Variants in CEP131 observed in about 807,000 individuals in gnomAD.
The protein encoded by CEP131 is centrosomal protein of 131 kDa.
CEP131 carries 99 observed loss-of-function variants against 136.8 expected under a neutral mutation model. The ratio of observed to expected loss-of-function variants is 0.72; its 90% CI spans 0.62 to 0.86. The LOEUF is 0.86. CEP131 is among the 40% of genes least tolerant of loss of function. The pLI is 0.00. For synonymous variants in CEP131, 646 were observed against 612.7 expected (o/e 1.05, Z -0.80); for missense variants, 1,459 against 1,463.0 (o/e 1.00, Z 0.04).
At chr17:81,191,373 A>C in intron 21 of CEP131, 38 bp from the exon 22 acceptor site, 1 of 1,610,268 alleles carries the variant, frequency 6.2e-7, no homozygotes, top group Non-Finnish European at 8.5e-7. Context: ...TGCCACCCGG[A>C]GCCGGCCCGC....
chr17:81,190,595 C>T (rs757800182), intron 24 of CEP131, 44 bp downstream of exon 24: 7 of 1,502,266 alleles, frequency 4.7e-6, no homozygotes, highest in Middle Eastern at 2.4e-4. Flanking sequence ...TGCCCGCTCC[C>T]CTGCCCCGCC....
chr17:81,199,875 A>C (rs1197430533), intron 8 of CEP131, 40 bp from the exon 9 acceptor site: 12 of 1,597,766 alleles, frequency 7.5e-6, no homozygotes, highest in Non-Finnish European at 8.5e-6. Context: ...TTACATCTGG[A>C]AGACGGAATC....
intron 2 of CEP131, among the ~76,000 whole-genome samples, chr17:81,216,432 G>A (rs1001005331): frequency 3.3e-5 from 5 of 152,218 alleles, no homozygotes; most frequent in African/African-American, 1.2e-4. Context: ...TCAGGATGCT[G>A]AGGTAAGAGG....
intron 12 of CEP131, 112 bp from the exon 13 acceptor site, chr17:81,198,000 A>G (rs1424941965): frequency 6.0e-6 from 9 of 1,501,660 alleles, no homozygotes; most frequent in Non-Finnish European, 7.1e-6. Context: ...GGTTGTGACT[A>G]AAGCCAGGAG....
intron 19 of CEP131, 51 bp downstream of exon 19, chr17:81,192,685 G>GGGGGGGGGGGGGCCCCCCC: frequency 1.7e-5 from 8 of 478,404 alleles, no homozygotes; most frequent in Non-Finnish European, 2.8e-5. Context: ...GGGGGGAGGG[G>GGGGGGGGGGGGGCCCCCCC]TCAGCCAGCG....
intron 21 of CEP131, among the ~76,000 whole-genome samples, chr17:81,191,888 G>A (rs916859197): frequency 2.0e-5 from 3 of 152,152 alleles, no homozygotes; most frequent in Admixed American, 1.3e-4. Flanking sequence ...GTAGCCTCGC[G>A]GCGGGCATGG....
At chr17:81,209,547 GCAGCAGA>G (rs2062087611) in intron 2 of CEP131, among the ~76,000 whole-genome samples, 1 of 151,970 alleles carries the variant, frequency 6.6e-6, no homozygotes, top group Non-Finnish European at 1.5e-5. Context: ...GGGAGGCTGC[GCAGCAGA>G]CACTAAGCAA....
intron 2 of CEP131, among the ~76,000 whole-genome samples, chr17:81,213,238 G>A (rs2062172893): frequency 6.6e-6 from 1 of 152,160 alleles, no homozygotes; most frequent in Non-Finnish European, 1.5e-5. Flanking sequence ...AAATATCCAC[G>A]AGTCCATTAT....
chr17:81,195,811 G>T, intron 16 of CEP131, 24 bp downstream of exon 16: 1 of 1,590,108 alleles, frequency 6.3e-7, no homozygotes, highest in Non-Finnish European at 8.5e-7. Flanking sequence ...TTGGGACGCC[G>T]TGCAGTAGGG....
intron 2 of CEP131, among the ~76,000 whole-genome samples, chr17:81,209,442 G>A (rs2062085542): frequency 6.6e-6 from 1 of 152,252 alleles, no homozygotes; most frequent in Non-Finnish European, 1.5e-5. Context: ...TCACGATGAG[G>A]ACTAAGGAGA....
chr17:81,192,972 T>A (rs1298986935), intron 18 of CEP131, 129 bp from the exon 19 acceptor site: 2 of 1,387,812 alleles, frequency 1.4e-6, no homozygotes, highest in South Asian at 2.9e-5. Context: ...GCCCTGCCCC[T>A]CCCCCTCGGC....
chr17:81,192,464 C>A lies in CEP131; in HGVS notation c.2547+12G>T, dbSNP rs755694166. The A allele has an allele frequency of 1.2e-6, 2 of 1,612,034 alleles. No individual in the cohort carries two copies. The highest frequency in any genetic ancestry group is 1.7e-6 in the Non-Finnish European group (2 of 1,179,820). ...CCCTGGCCAGGCCCAGCACAGCCCT[C>A]CGGTGGTAGACCTGGTGCCGGCGCT... On this transcript the variant is annotated intron_variant, in intron 20 of 25. Transcript: ENST00000450824.
intron 18 of CEP131, among the ~76,000 whole-genome samples, chr17:81,193,608 G>A (rs2061689265): frequency 1.3e-5 from 2 of 152,228 alleles, no homozygotes; most frequent in Non-Finnish European, 2.9e-5. Context: ...CTATCCACGG[G>A]TTGCTGCTCT....
chr17:81,220,106 C>T, intron 1 of CEP131, 33 bp from the exon 2 acceptor site: 5 of 1,462,372 alleles, frequency 3.4e-6, no homozygotes, highest in Non-Finnish European at 4.5e-6. Context: ...CAATGAGATG[C>T]CGTGGGGGAA....
chr17:81,215,506 G>T lies in CEP131; in HGVS notation c.177+4374C>A, dbSNP rs2062227055. 6.6e-6 allele frequency among the ~76,000 whole-genome samples: 1 copy of T among 152,050 alleles called. No homozygotes were observed. The highest frequency in any genetic ancestry group is 6.6e-5 in the Admixed American group (1 of 15,266). On this transcript the variant is annotated intron_variant, in intron 2 of 25. Transcript: ENST00000450824. This position sits in a 1 kb window ranked among gnomAD's most constrained non-coding sequence, Gnocchi z 4.1. ...GGCTCACTGCAACCTCCAGCTTCCG[G>T]GTTAAATCAGTTCTCCTGCCTTAGC...
chr17:81,199,658 C>A, intron 9 of CEP131, 61 bp downstream of exon 9: 1 of 1,598,670 alleles, frequency 6.3e-7, no homozygotes. Context: ...GCCCCAGCAG[C>A]AGCCCCGCAC....
chr17:81,198,785 G>T, intron 11 of CEP131, 92 bp downstream of exon 11: 2 of 1,303,454 alleles, frequency 1.5e-6, no homozygotes, highest in Non-Finnish European at 2.2e-6. Context: ...CAGAGGAGGG[G>T]CTGGGAGAAG....
At chr17:81,205,787 T>C (rs1029480646) in intron 5 of CEP131, among the ~76,000 whole-genome samples, 1 of 152,058 alleles carries the variant, frequency 6.6e-6, no homozygotes, top group Non-Finnish European at 1.5e-5. Context: ...TGGTCCCAGC[T>C]GCTCCGAAGG....
intron 8 of CEP131, 77 bp from the exon 9 acceptor site, chr17:81,199,912 A>G: frequency 6.9e-7 from 1 of 1,453,042 alleles, no homozygotes; most frequent in Non-Finnish European, 9.6e-7. Context: ...GTTTCCCCAC[A>G]ACGCCCTGGA....
Sources: gnomAD v4.1 joint callset for allele counts (sites outside exome capture counted in the v4.1 genomes callset) on GRCh38, gnomAD v4.1.1 for gene constraint, Gnocchi (gnomAD v3.1) non-coding constraint, MANE v1.5 for transcripts, NCBI Gene and HGNC (gene_info 2026-07-23, HGNC 2026-07-21) for gene names.